Variants in BICD1 observed in about 807,000 individuals in gnomAD.
The protein encoded by BICD1 is BICD cargo adaptor 1.
In BICD1, 35 loss-of-function variants were observed where a neutral mutation model predicts 92.5. The ratio of observed to expected loss-of-function variants is 0.38; its 90% CI spans 0.29 to 0.50. The LOEUF is 0.50. Among genes scored for constraint, BICD1 ranks in the 20% least tolerant of loss-of-function variants. The pLI, the probability that BICD1 is intolerant of heterozygous loss-of-function variation, is 0.93. For missense variants in BICD1, 950 were observed against 1,189.8 expected (o/e 0.80, Z 2.97); for synonymous variants, 429 against 465.1 (o/e 0.92, Z 1.00).
At chr12:32,134,621 G>C (rs777313135) in intron 1 of BICD1, among the ~76,000 whole-genome samples, 8 of 152,208 alleles carry the variant, frequency 5.3e-5, no homozygotes, top group Non-Finnish European at 1.0e-4. Flanking sequence ...TGTCAAGGAA[G>C]TGAGTCAGGT....
chr12:32,160,568 G>T (rs1026971136), intron 1 of BICD1, among the ~76,000 whole-genome samples: 1 of 151,938 alleles, frequency 6.6e-6, no homozygotes, highest in Non-Finnish European at 1.5e-5. Flanking sequence ...AGTATCAAGT[G>T]TGGTAAATAA....
intron 9 of BICD1, among the ~76,000 whole-genome samples, chr12:32,376,435 A>T (rs951124486): frequency 6.6e-6 from 1 of 151,942 alleles, no homozygotes; most frequent in Non-Finnish European, 1.5e-5. Flanking sequence ...TTGTCATTTT[A>T]CCCTAGGAAA....
At position 32,378,111 on chromosome 12, in the gene BICD1, CATTT is replaced by C. The variant is rs1940052010; in HGVS notation, c.*489_*492del. On this transcript the variant is annotated 3_prime_UTR_variant, in exon 10 of 10. Transcript: ENST00000652176. Reference sequence around the variant, plus strand: ...TAATTTCTCTGAGGTGAATTTAATTCATTTATTTTCAAATAAGCATAATTTGCTC... The same window carrying C: ...TAATTTCTCTGAGGTGAATTTAATTCATTTTCAAATAAGCATAATTTGCTC... 1 of 152,294 alleles carries C rather than the reference CATTT, an allele frequency of 6.6e-6. No homozygotes were observed. The highest frequency in any genetic ancestry group is 6.5e-5 in the Admixed American group (1 of 15,292). The allele number at this position is 152,294 out of a possible 1,614,324, so 9.4% of individuals were successfully genotyped here. A position where few individuals can be genotyped will look rare whatever the true frequency, so the allele number is the denominator to read the frequency against.
chr12:32,332,975 TG>T (rs1305465345), intron 5 of BICD1: 1 of 985,276 alleles, frequency 1.0e-6, no homozygotes, highest in African/African-American at 1.7e-5. Flanking sequence ...GGAAAAACTT[TG>T]CACAGTCAAT....
chr12:32,137,759 C>T (rs1942780109), intron 1 of BICD1, among the ~76,000 whole-genome samples: 1 of 152,018 alleles, frequency 6.6e-6, no homozygotes. Flanking sequence ...AATTCGGATT[C>T]CCTTTGTAAA....
intron 2 of BICD1, among the ~76,000 whole-genome samples, chr12:32,252,235 T>C (rs1374447727): frequency 7.1e-6 from 1 of 140,880 alleles, no homozygotes; most frequent in Non-Finnish European, 1.5e-5. Flanking sequence ...ATTATATATA[T>C]AACTTCTCTT....
chr12:32,186,401 C>T lies in BICD1; in HGVS notation c.214-29846C>T, dbSNP rs184929412. 3.0e-4 allele frequency among the ~76,000 whole-genome samples: 46 copies of T among 152,222 alleles called. 1 individual carries two copies. The highest frequency in any genetic ancestry group is 5.9e-4 in the Admixed American group (9 of 15,282). On this transcript the variant is annotated intron_variant, in intron 1 of 9. Transcript: ENST00000652176. The stretch of plus-strand genomic sequence containing the variant: ...AGTGGTCACATGTGGGTAGTGGCCA[C>T]CGTATTGGACCACAGAACCTTAAGC...
intron 1 of BICD1, among the ~76,000 whole-genome samples, chr12:32,198,686 T>C (rs1565581857): frequency 6.6e-6 from 1 of 151,952 alleles, no homozygotes; most frequent in South Asian, 2.1e-4. Flanking sequence ...ACAAGAACTG[T>C]CCACCTCTCT....
intron 1 of BICD1, among the ~76,000 whole-genome samples, chr12:32,199,980 C>G (rs983517629): frequency 1.3e-5 from 2 of 152,152 alleles, no homozygotes; most frequent in Admixed American, 6.5e-5. Flanking sequence ...TATAAGGGCA[C>G]TGGCTTTTTT....
At chr12:32,195,109 A>AT (rs35781820) in intron 1 of BICD1, among the ~76,000 whole-genome samples, 1 of 151,248 alleles carries the variant, frequency 6.6e-6, no homozygotes, top group Non-Finnish European at 1.5e-5. Context: ...AAAAAAAAAA[A>AT]TTGAAGACAG....
At chr12:32,360,382 A>G (rs2136320084) in intron 8 of BICD1, among the ~76,000 whole-genome samples, 1 of 152,332 alleles carries the variant, frequency 6.6e-6, no homozygotes, top group East Asian at 1.9e-4. Flanking sequence ...GAAGAAATGT[A>G]GAAATATAGT....
At chr12:32,279,860 G>A (rs1022925055) in intron 2 of BICD1, among the ~76,000 whole-genome samples, 2 of 152,248 alleles carry the variant, frequency 1.3e-5, no homozygotes, top group Non-Finnish European at 2.9e-5. Context: ...AGCACTTTGG[G>A]AGGCTGAGGC....
chr12:32,306,042 G>A lies in BICD1; in HGVS notation c.925G>A (p.Glu309Lys), dbSNP rs1289445563. Residue 309 changes from glutamate (E) to lysine (K), a missense_variant, in exon 4 of 10, where the codon GAG becomes AAG. By Grantham distance (56) the Glu-to-Lys change is moderately conservative (BLOSUM62 1). Coordinates refer to ENST00000652176, the MANE Select transcript of BICD1 (RefSeq NM_001714.4). ...TCGGACTCCCACCTTAAGGAAAGGA[G>A]AGTCTCTGAACCCTGTCTCTGACTT... ...DYRTPTLRKG[E>K]SLNPVSDLFS... is the part of the protein sequence containing the mutation. The A allele has an allele frequency of 6.2e-7, 1 of 1,614,140 alleles. No homozygotes were observed. The highest frequency in any genetic ancestry group is 1.1e-5 in the South Asian group (1 of 91,074).
intron 1 of BICD1, among the ~76,000 whole-genome samples, chr12:32,110,585 G>A (rs1022664085): frequency 6.6e-6 from 1 of 152,144 alleles, no homozygotes; most frequent in Non-Finnish European, 1.5e-5. Flanking sequence ...GTTATGTTCA[G>A]GGCCTGGCTG....
chr12:32,330,386 G>T (rs1937793867), intron 5 of BICD1, among the ~76,000 whole-genome samples: 1 of 146,146 alleles, frequency 6.8e-6, no homozygotes, highest in Non-Finnish European at 1.5e-5. Flanking sequence ...AGAACACATG[G>T]ACACAGGAAG....
At chr12:32,276,393 C>A (rs1947278069) in intron 2 of BICD1, among the ~76,000 whole-genome samples, 1 of 152,180 alleles carries the variant, frequency 6.6e-6, no homozygotes, top group Non-Finnish European at 1.5e-5. Flanking sequence ...GACTAAGAAT[C>A]CCTAAGCCTA....
chr12:32,303,487 A>G (rs1948120279), intron 3 of BICD1, among the ~76,000 whole-genome samples: 1 of 152,126 alleles, frequency 6.6e-6, no homozygotes, highest in Non-Finnish European at 1.5e-5. Flanking sequence ...TGCTGCCCAG[A>G]GTAAAGGCTA....
intron 8 of BICD1, among the ~76,000 whole-genome samples, chr12:32,348,701 G>T (rs1005003086): frequency 2.4e-4 from 22 of 92,330 alleles, no homozygotes; most frequent in African/African-American, 9.9e-4. Flanking sequence ...AACCCGAAAT[G>T]ATGCTTTCTA....
rs58895470 is a variant in BICD1, at chr12:32,225,621, G to GTTT, written c.426+9180_426+9182dup. Among the ~76,000 whole-genome samples, 98 of 92,784 alleles carry GTTT rather than the reference G, an allele frequency of 1.1e-3. 2 individuals are homozygous for GTTT. Among genetic ancestry groups the GTTT allele is most frequent in the Middle Eastern group, 6.0e-3 (1 of 166 alleles). The allele number at this position is 92,784 out of a possible 152,430, so 60.9% of individuals were successfully genotyped here. On this transcript the variant is annotated intron_variant, in intron 2 of 9. Coordinates refer to ENST00000652176, the MANE Select transcript of BICD1 (RefSeq NM_001714.4). The stretch of plus-strand genomic sequence containing the variant: ...TGGTATTTGACAGTTCTTTTTTTCT[G>GTTT]TTTTTTTTTTTTTTTTTTTTAGACG...
Sources: gnomAD v4.1 joint callset for allele counts (sites outside exome capture counted in the v4.1 genomes callset) on GRCh38, gnomAD v4.1.1 for gene constraint, MANE v1.5 for transcripts, NCBI Gene and HGNC (gene_info 2026-07-23, HGNC 2026-07-21) for gene names.